DCHS2: variants seen among roughly 807,000 people sequenced by gnomAD.
DCHS2 encodes the protein dachsous cadherin-related 2, also known as protocadherin-23.
DCHS2 carries 142 observed loss-of-function variants against 182.4 expected under a neutral mutation model. That is an observed-to-expected ratio of 0.78 (90% CI 0.68 to 0.89). The LOEUF is 0.89. Ranked by LOEUF, DCHS2 falls within the 40% of genes least tolerant of loss-of-function variation. The pLI is 0.00. For missense variants in DCHS2, 4,319 were observed against 4,198.6 expected (o/e 1.03, Z -0.79); for synonymous variants, 1,740 against 1,663.3 (o/e 1.05, Z -1.12).
At chr4:154,412,809 A>C (rs1432122518) in intron 1 of DCHS2, among the ~76,000 whole-genome samples, 2 of 152,150 alleles carry the variant, frequency 1.3e-5, no homozygotes, top group African/African-American at 4.8e-5. Flanking sequence ...TTACTGAAAA[A>C]CCCTGTGGAA....
At chr4:154,429,455 T>C (rs1276814332) in intron 1 of DCHS2, among the ~76,000 whole-genome samples, 3 of 152,108 alleles carry the variant, frequency 2.0e-5, no homozygotes, top group Non-Finnish European at 2.9e-5. Flanking sequence ...CAGACAGGTG[T>C]CCTAGGCTTA....
At chr4:154,375,484 AG>A (rs1730847655) in intron 2 of DCHS2, among the ~76,000 whole-genome samples, 1 of 152,168 alleles carries the variant, frequency 6.6e-6, no homozygotes, top group Admixed American at 6.5e-5. Flanking sequence ...AGTAAGAAAA[AG>A]ATCCAACAAT....
intron 15 of DCHS2, 131 bp from the exon 16 acceptor site, chr4:154,255,801 A>C: frequency 1.5e-6 from 2 of 1,340,178 alleles, no homozygotes; most frequent in South Asian, 1.9e-5. Flanking sequence ...ATGAAATGAA[A>C]TACCAACAGA....
chr4:154,449,219 G>GAA lies in DCHS2; in HGVS notation c.2052+40083_2052+40084dup, dbSNP rs11437957. Among the ~76,000 whole-genome samples the GAA allele has an allele frequency of 4.4e-3, 652 of 149,526 alleles. 2 individuals are homozygous for GAA. The highest frequency in any genetic ancestry group is 0.012 in the African/African-American group (474 of 40,442). ...TTGTCACTTAAATATCCCCAAAATT[G>GAA]AAAAAAAAAATGCTGTCATTGATAC... On this transcript the variant is annotated intron_variant, in intron 1 of 19. Coordinates refer to ENST00000357232, the MANE Select transcript of DCHS2 (RefSeq NM_001358235.2).
intron 7 of DCHS2, chr4:154,323,060 C>A: frequency 1.3e-6 from 1 of 763,090 alleles, no homozygotes; most frequent in Non-Finnish European, 2.0e-6. Context: ...TCTATGGATT[C>A]CTGCCACCCA....
chr4:154,370,954 A>T (rs753769915), intron 2 of DCHS2, among the ~76,000 whole-genome samples: 2 of 152,208 alleles, frequency 1.3e-5, no homozygotes, highest in Non-Finnish European at 2.9e-5. Context: ...TGGACGTGCT[A>T]CAGTAAATTA....
chr4:154,374,271 G>T, intron 2 of DCHS2: 1 of 304,756 alleles, frequency 3.3e-6, no homozygotes, highest in East Asian at 6.5e-5. Flanking sequence ...AATCAACAGG[G>T]GCTTGTTTAG....
At chr4:154,304,564 TG>T in intron 12 of DCHS2, 104 bp downstream of exon 12, 1 of 954,102 alleles carries the variant, frequency 1.0e-6, no homozygotes, top group Non-Finnish European at 1.5e-6. Context: ...ACCTGGGAGG[TG>T]AAGTTGCAGT....
intron 13 of DCHS2, among the ~76,000 whole-genome samples, chr4:154,274,710 A>G (rs1476254225): frequency 6.6e-6 from 1 of 152,088 alleles, no homozygotes; most frequent in Non-Finnish European, 1.5e-5. Flanking sequence ...AAAGGAGGTT[A>G]AAAAGGGAGA....
Position 154,235,847 on chromosome 4 carries a change from A to C in DCHS2, c.8805T>G (p.Ile2935Met). 2.5e-6 allele frequency: 4 copies of C among 1,614,026 alleles called. No homozygotes were observed. The highest frequency in any genetic ancestry group is 2.5e-6 in the Non-Finnish European group (3 of 1,179,964). ...TTAGGGGAAGGGCTCTAATCAAATAAATATTTCCATTGGTTTTATTTACTG... is the reference window on the plus strand; with the variant it reads ...TTAGGGGAAGGGCTCTAATCAAATACATATTTCCATTGGTTTTATTTACTG... ...FFSVNKTNGN[I>M]YLIRALPLIK... is the part of the protein sequence containing the mutation. The change falls in exon 20 of 20, where the codon ATT becomes ATG. Residue 2935 changes from isoleucine to methionine, a missense_variant. Transcript: ENST00000357232.
In DCHS2 at chr4:154,321,026, G is replaced by A. The variant is rs753709350; in HGVS notation, c.4373C>T (p.Thr1458Ile). 8 of 1,613,762 alleles carry A rather than the reference G, an allele frequency of 5.0e-6. No individual in the cohort carries two copies. Among genetic ancestry groups the A allele is most frequent in the Non-Finnish European group, 5.9e-6 (7 of 1,179,858 alleles). The stretch of plus-strand genomic sequence containing the variant: ...TTCCTTAGAAAGAAACAAGTCTCCG[G>A]TTGAGCTGTCTATTTCAAAGTGTCC... ...KDGHFEIDSS[T>I]GDLFLSKELD... The change falls in exon 9 of 20, where the codon ACC (threonine) becomes ATC (isoleucine). Residue 1458 changes from threonine (T) to isoleucine (I), a missense_variant. Coordinates refer to ENST00000357232, the MANE Select transcript of DCHS2 (RefSeq NM_001358235.2).
At chr4:154,343,649 A>G in intron 3 of DCHS2, 2 of 1,464,408 alleles carry the variant, frequency 1.4e-6, no homozygotes, top group South Asian at 1.6e-5. Context: ...CAACCTTCCT[A>G]TATTTAAAAA....
chr4:154,407,642 C>T (rs1287997979), intron 1 of DCHS2, among the ~76,000 whole-genome samples: 1 of 152,188 alleles, frequency 6.6e-6, no homozygotes, highest in East Asian at 1.9e-4. Flanking sequence ...AGCACTGACT[C>T]TGAAAATCCC....
chr4:154,426,464 G>A (rs1053942526), intron 1 of DCHS2, among the ~76,000 whole-genome samples: 1 of 152,112 alleles, frequency 6.6e-6, no homozygotes, highest in Non-Finnish European at 1.5e-5. Context: ...GAATAAGCAG[G>A]AAGCTACACA....
intron 2 of DCHS2, 48 bp downstream of exon 2, chr4:154,377,205 G>A (rs867282605): frequency 6.4e-7 from 1 of 1,557,542 alleles, no homozygotes; most frequent in African/African-American, 1.4e-5. Flanking sequence ...ATACACAGTG[G>A]CTCACTTGTG....
intron 3 of DCHS2, chr4:154,357,077 C>T: frequency 1.7e-6 from 1 of 593,926 alleles, no homozygotes; most frequent in Non-Finnish European, 3.1e-6. Context: ...TCTTTCTTGA[C>T]AAGCGCTAGT....
chr4:154,283,177 C>T (rs1327426091), intron 13 of DCHS2, among the ~76,000 whole-genome samples: 1 of 151,718 alleles, frequency 6.6e-6, no homozygotes, highest in Non-Finnish European at 1.5e-5. Context: ...GTTTTTAACA[C>T]AATAAAAAAA....
intron 1 of DCHS2, among the ~76,000 whole-genome samples, chr4:154,442,130 G>A (rs1251152058): frequency 6.6e-6 from 1 of 152,034 alleles, no homozygotes; most frequent in Non-Finnish European, 1.5e-5. Context: ...AATTTAGTGG[G>A]CAGGTACACA....
intron 15 of DCHS2, among the ~76,000 whole-genome samples, chr4:154,258,353 C>G (rs1302255119): frequency 7.3e-6 from 1 of 137,410 alleles, no homozygotes; most frequent in African/African-American, 2.7e-5. Flanking sequence ...ACTGGAATTG[C>G]AGTAAAAGAA....
Sources: allele counts gnomAD v4.1 joint callset (sites outside exome capture counted in the v4.1 genomes callset), GRCh38; gene constraint gnomAD v4.1.1; transcripts MANE v1.5; gene names NCBI Gene and HGNC (gene_info 2026-07-23, HGNC 2026-07-21).